ROBO1: variants seen among roughly 807,000 people sequenced by gnomAD.
The protein encoded by ROBO1 is roundabout homolog 1.
In ROBO1, 149 loss-of-function variants were observed where a neutral mutation model predicts 195.9. The observed-to-expected ratio is 0.76, with a 90% CI of 0.67 to 0.87. The LOEUF (loss-of-function observed/expected upper bound fraction) is 0.87, where lower values mean the gene tolerates loss of function less well. Ranked by LOEUF, ROBO1 falls within the 40% of genes least tolerant of loss-of-function variation. The pLI is 0.00. For missense variants in ROBO1, 1,933 were observed against 2,068.3 expected, an observed-to-expected ratio of 0.93 and a Z score of 1.27; for synonymous variants, 816 against 733.2, an observed-to-expected ratio of 1.11 and a Z score of -1.82.
chr3:79,558,273 C>T (rs1942784708), intron 2 of ROBO1, among the ~76,000 whole-genome samples: 1 of 152,130 alleles, frequency 6.6e-6, no homozygotes, highest in African/African-American at 2.4e-5. Flanking sequence ...CCTTCTTCTT[C>T]CGCTTCAGTC....
chr3:79,040,014 T>A (rs2078455719), intron 3 of ROBO1, among the ~76,000 whole-genome samples: 1 of 152,140 alleles, frequency 6.6e-6, no homozygotes. Context: ...TTTGACATGG[T>A]TGTCTTTCTG....
Position 78,753,647 on chromosome 3 carries a change from C to T in ROBO1, c.500-6747G>A, listed in dbSNP as rs528062745. Among the ~76,000 whole-genome samples the T allele has an allele frequency of 1.5e-4, 23 of 152,210 alleles. No homozygotes were observed. In the East Asian group the frequency reaches 3.3e-3, roughly 22 times the overall value. The stretch of plus-strand genomic sequence containing the variant: ...TGACATCTAGGTTTTAAGCTCCACA[C>T]GCGTTAGCTATTTGTCCTAATGCTC... On this transcript the variant is annotated intron_variant, in intron 4 of 30. Coordinates refer to ENST00000464233, the MANE Select transcript of ROBO1 (RefSeq NM_002941.4).
chr3:78,937,172 G>A (rs2039858621), intron 4 of ROBO1, among the ~76,000 whole-genome samples: 1 of 151,960 alleles, frequency 6.6e-6, no homozygotes, highest in Admixed American at 6.6e-5. Flanking sequence ...GAGTGATCAA[G>A]TCATTTACAT....
At chr3:78,657,993 C>T (rs928529772) in intron 17 of ROBO1, among the ~76,000 whole-genome samples, 1 of 152,172 alleles carries the variant, frequency 6.6e-6, no homozygotes, top group Non-Finnish European at 1.5e-5. Flanking sequence ...ATGGGACTAT[C>T]AGTCCTTCAC....
chr3:79,488,286 C>T (rs138634850), intron 2 of ROBO1, among the ~76,000 whole-genome samples: 3 of 152,218 alleles, frequency 2.0e-5, no homozygotes, highest in South Asian at 2.1e-4. Context: ...TCTTCCCCTC[C>T]GTTTGCCCAA....
chr3:79,432,397 C>A (rs753049401), intron 2 of ROBO1, among the ~76,000 whole-genome samples: 1 of 151,986 alleles, frequency 6.6e-6, no homozygotes, highest in Non-Finnish European at 1.5e-5. Flanking sequence ...GGAATAAACT[C>A]GAGACCATTA....
chr3:79,425,944 G>C lies in ROBO1; in HGVS notation c.88+163880C>G, dbSNP rs148986612. ...CTCATTCCACATTGTGGCTTCAGCT[G>C]TTCTCAAATAATTTTTAAATTTTTC... On this transcript the variant is annotated intron_variant, in intron 2 of 30. Coordinates refer to ENST00000464233, the MANE Select transcript of ROBO1 (RefSeq NM_002941.4). 1.6e-3 allele frequency among the ~76,000 whole-genome samples: 243 copies of C among 152,212 alleles called. 3 individuals are homozygous for C. The highest frequency in any genetic ancestry group is 3.4e-3 in the Middle Eastern group (1 of 292).
At chr3:79,479,879 A>C (rs1938745796) in intron 2 of ROBO1, among the ~76,000 whole-genome samples, 1 of 152,188 alleles carries the variant, frequency 6.6e-6, no homozygotes, top group Admixed American at 6.5e-5. Context: ...TGCTATATTT[A>C]GTCCAATATA....
At chr3:78,693,325 T>C in intron 8 of ROBO1, 1 of 1,550,306 alleles carries the variant, frequency 6.5e-7, no homozygotes, top group Non-Finnish European at 8.7e-7. Flanking sequence ...GATGAGAAGA[T>C]GGCCAATAAA....
At chr3:78,713,919 A>G (rs931476310) in intron 8 of ROBO1, among the ~76,000 whole-genome samples, 2 of 152,250 alleles carry the variant, frequency 1.3e-5, no homozygotes, top group African/African-American at 2.4e-5. Context: ...TCCCTGCTCA[A>G]TAAATCCTAC....
At position 79,473,581 on chromosome 3, in the gene ROBO1, T is replaced by G. The variant is rs1938397224; in HGVS notation, c.88+116243A>C. 3.9e-5 allele frequency among the ~76,000 whole-genome samples: 6 copies of G among 152,140 alleles called. No individual in the cohort carries two copies. The South Asian group carries it at 1.0e-3, about 26-fold the overall frequency. Reference sequence around the variant, plus strand: ...TATTTGAGATCCAAAATGAATCATTTTTAATACCTCCTACTGTATACAACA... The same window carrying G: ...TATTTGAGATCCAAAATGAATCATTGTTAATACCTCCTACTGTATACAACA... On this transcript the variant is annotated intron_variant, in intron 2 of 30. Coordinates refer to ENST00000464233, the MANE Select transcript of ROBO1 (RefSeq NM_002941.4).
At chr3:78,602,289 A>ACT (rs375616904) in intron 29 of ROBO1, among the ~76,000 whole-genome samples, 2 of 148,916 alleles carry the variant, frequency 1.3e-5, no homozygotes, top group East Asian at 4.0e-4. Flanking sequence ...CCTCCATCCC[A>ACT]CTCTCTCTCT....
rs553146225 is a variant in ROBO1, at chr3:78,656,965, T to G, written c.2614+133A>C. 13 of 814,202 alleles carry G rather than the reference T, an allele frequency of 1.6e-5. No individual in the cohort carries two copies. In the South Asian group the frequency reaches 2.3e-4, roughly 14 times the overall value. 50.4% of individuals were successfully genotyped at this position (814,202 alleles called of 1,614,324 possible). A position where few individuals can be genotyped will look rare whatever the true frequency, so the allele number is the denominator to read the frequency against. ...TACATATTAAGTAAAGCTAACACCT[T>G]TTTGTAGCTCTAAGCCATATTCCAT... On this transcript the variant is annotated intron_variant, in intron 18 of 30. Transcript: ENST00000464233.
intron 2 of ROBO1, among the ~76,000 whole-genome samples, chr3:79,487,447 C>T (rs1459140830): frequency 1.3e-5 from 2 of 152,108 alleles, no homozygotes; most frequent in Non-Finnish European, 2.9e-5. Flanking sequence ...CAACTCCTGA[C>T]CTCATGATTC....
intron 3 of ROBO1, among the ~76,000 whole-genome samples, chr3:79,042,226 G>C (rs2078500294): frequency 6.6e-6 from 1 of 152,044 alleles, no homozygotes; most frequent in African/African-American, 2.4e-5. Flanking sequence ...ATTTTGAGCA[G>C]ATAAAATATT....
At chr3:79,448,676 G>A (rs1476237063) in intron 2 of ROBO1, among the ~76,000 whole-genome samples, 2 of 152,086 alleles carry the variant, frequency 1.3e-5, no homozygotes, top group Admixed American at 1.3e-4. Flanking sequence ...TATATGTAGA[G>A]ACTTTTTCTT....
At chr3:79,113,469 A>G (rs1297801424) in intron 3 of ROBO1, among the ~76,000 whole-genome samples, 1 of 152,000 alleles carries the variant, frequency 6.6e-6, no homozygotes, top group African/African-American at 2.4e-5. Context: ...ACATCCCTGT[A>G]AAAAAATGAA....
At chr3:79,042,982 T>G (rs1429304712) in intron 3 of ROBO1, among the ~76,000 whole-genome samples, 1 of 152,180 alleles carries the variant, frequency 6.6e-6, no homozygotes, top group Non-Finnish European at 1.5e-5. Context: ...TAATTTTAAC[T>G]TCATGATATA....
chr3:79,113,333 T>C (rs1473945907), intron 3 of ROBO1, among the ~76,000 whole-genome samples: 2 of 152,170 alleles, frequency 1.3e-5, no homozygotes, highest in Non-Finnish European at 2.9e-5. Context: ...GATTACATAA[T>C]TGAATCAGCA....
Sources: allele counts gnomAD v4.1 joint callset (sites outside exome capture counted in the v4.1 genomes callset), GRCh38; gene constraint gnomAD v4.1.1; transcripts MANE v1.5; gene names NCBI Gene and HGNC (gene_info 2026-07-23, HGNC 2026-07-21).